Variants in GGA3 observed in about 807,000 individuals in gnomAD.
GGA3 encodes ADP-ribosylation factor-binding protein GGA3.
In GGA3, 57 loss-of-function variants were observed where a neutral mutation model predicts 77.5. The observed-to-expected ratio is 0.74, with a 90% CI of 0.59 to 0.92. The LOEUF is 0.92. Ranked by LOEUF, GGA3 falls within the 40% of genes least tolerant of loss-of-function variation. The pLI is 0.00. For missense variants in GGA3, 970 were observed against 914.9 expected, an observed-to-expected ratio of 1.06 and a Z score of -0.78; for synonymous variants, 416 against 383.7, an observed-to-expected ratio of 1.08 and a Z score of -0.98.
In GGA3 at chr17:75,246,596, GCAGAACACACTC is replaced by G; in HGVS notation, c.126-24_126-13del. On this transcript the variant is annotated splice_polypyrimidine_tract_variant and intron_variant, in intron 2 of 16. Coordinates refer to ENST00000537686, the MANE Select transcript of GGA3 (RefSeq NM_138619.4). ...CGGCGATCTGTGGCCTGGGGGACAA[GCAGAACACACTC>G]CAGTGCACTAAGCCTGGGGCTACCT... 6.2e-7 allele frequency: 1 copy of G among 1,612,352 alleles called. No individual in the cohort carries two copies.
intron 16 of GGA3, 70 bp from the exon 17 acceptor site, chr17:75,238,459 C>T (rs1337455042): frequency 1.5e-6 from 2 of 1,327,756 alleles, no homozygotes; most frequent in Admixed American, 1.8e-5. Context: ...TATTCTGCTA[C>T]CCTCTCTGTG....
chr17:75,262,019 C>G (rs761128686), upstream of GGA3: 2 of 1,598,984 alleles, frequency 1.3e-6, no homozygotes, highest in Admixed American at 3.3e-5. Context: ...GGGGGCGCTG[C>G]GAGGAAGGAA....
In GGA3 at chr17:75,239,813, T is replaced by C; in HGVS notation, c.1559A>G (p.Asp520Gly). Reference protein sequence around the residue: ...NSALHHLDALDQLLEEAKVTS... With the variant: ...NSALHHLDALGQLLEEAKVTS... The stretch of plus-strand genomic sequence containing the variant: ...CACTTTGGCCTCTTCTAGAAGCTGA[T>C]CGAGGGCATCCAGGTGGTGCAGCGC... The change falls in exon 13 of 17, where the codon GAT becomes GGT. Residue 520 changes from aspartate to glycine, a missense_variant. Asp to Gly is a moderately conservative substitution (Grantham distance 94). Transcript: ENST00000537686. The C allele has an allele frequency of 6.2e-7, 1 of 1,613,810 alleles. No homozygotes were observed. Among genetic ancestry groups the C allele is most frequent in the Non-Finnish European group, 8.5e-7 (1 of 1,180,022 alleles).
At chr17:75,239,765 C>A (rs781500840) in intron 13 of GGA3, 24 bp downstream of exon 13, 1 of 1,611,648 alleles carries the variant, frequency 6.2e-7, no homozygotes, top group African/African-American at 1.3e-5. Context: ...CCTCAGCAAC[C>A]CCACATCTCC....
At chr17:75,251,106 T>C (rs1339299609) in intron 1 of GGA3, among the ~76,000 whole-genome samples, 6 of 151,500 alleles carry the variant, frequency 4.0e-5, no homozygotes, top group African/African-American at 1.5e-4. Context: ...ACGTAACAAA[T>C]GACTTACAAA....
At chr17:75,259,533 C>T (rs1240439292) in intron 1 of GGA3, among the ~76,000 whole-genome samples, 1 of 152,094 alleles carries the variant, frequency 6.6e-6, no homozygotes, top group African/African-American at 2.4e-5. Context: ...GTAGAAGCCA[C>T]AGAGAAAAAG....
At position 75,256,884 on chromosome 17, in the gene GGA3, G is replaced by T. The variant is rs866519367; in HGVS notation, c.40+4664C>A. Reference sequence around the variant, plus strand: ...GGTAAGTAGAGGCCTTTCCTACAGGGTCTGAGAAGGCCACCGCAGTCATTT... The same window carrying T: ...GGTAAGTAGAGGCCTTTCCTACAGGTTCTGAGAAGGCCACCGCAGTCATTT... On this transcript the variant is annotated intron_variant, in intron 1 of 16. Coordinates refer to ENST00000537686, the MANE Select transcript of GGA3 (RefSeq NM_138619.4). Among the ~76,000 whole-genome samples the T allele has an allele frequency of 2.6e-5, 4 of 151,992 alleles. No homozygotes were observed. The South Asian group carries it at 8.3e-4, about 32-fold the overall frequency.
intron 13 of GGA3, 68 bp from the exon 14 acceptor site, chr17:75,239,639 C>A (rs912064217): frequency 2.7e-6 from 4 of 1,456,854 alleles, no homozygotes; most frequent in East Asian, 2.4e-5. Context: ...TCACCCAAGG[C>A]CCCTGACCAT....
chr17:75,262,030 G>A (rs753347783), upstream of GGA3: 6 of 1,596,136 alleles, frequency 3.8e-6, no homozygotes, highest in Non-Finnish European at 5.1e-6. Context: ...GAGGAAGGAA[G>A]GGGGCCACAG....
At chr17:75,241,860 CCACCA>C in intron 8 of GGA3, 164 bp from the exon 9 acceptor site, 1 of 665,310 alleles carries the variant, frequency 1.5e-6, no homozygotes, top group Non-Finnish European at 2.7e-6. Context: ...CCAGCCACCA[CCACCA>C]CACCACATCA....
intron 1 of GGA3, among the ~76,000 whole-genome samples, chr17:75,247,451 G>A (rs2076799145): frequency 6.6e-6 from 1 of 151,978 alleles, no homozygotes; most frequent in African/African-American, 2.4e-5. Context: ...TGGTAGAGAC[G>A]GGGTTTCTCC....
chr17:75,244,022 G>T (rs9652817), intron 4 of GGA3, among the ~76,000 whole-genome samples: 1 of 151,988 alleles, frequency 6.6e-6, no homozygotes, highest in African/African-American at 2.4e-5. Context: ...TCAAGACAGA[G>T]AGGCTTCCTT....
At chr17:75,261,784 C>T (rs1031814486), upstream of GGA3, 1 of 1,220,530 alleles carries the variant, frequency 8.2e-7, no homozygotes. Flanking sequence ...CTCTAACGTC[C>T]AGATCAGTGG....
At chr17:75,239,216 C>T in intron 14 of GGA3, 133 bp from the exon 15 acceptor site, 1 of 991,604 alleles carries the variant, frequency 1.0e-6, no homozygotes, top group East Asian at 2.6e-5. Flanking sequence ...GGGAGAGGCG[C>T]TCAGTGAGGA....
Position 75,237,886 on chromosome 17 carries a change from G to C in GGA3, c.*393C>G. The C allele has an allele frequency of 2.2e-6, 3 of 1,381,068 alleles. No homozygotes were observed. Among genetic ancestry groups the C allele is most frequent in the Non-Finnish European group, 2.8e-6 (3 of 1,071,414 alleles). 85.6% of individuals were successfully genotyped at this position (1,381,068 alleles called of 1,614,324 possible). On this transcript the variant is annotated 3_prime_UTR_variant, in exon 17 of 17. Coordinates refer to ENST00000537686, the MANE Select transcript of GGA3 (RefSeq NM_138619.4). The stretch of plus-strand genomic sequence containing the variant: ...GGTGTGAGGATGTGGCTCTTGTGGG[G>C]AATGACCCATGACAGTCTCTCTTTA...
At position 75,243,472 on chromosome 17, in the gene GGA3, G is replaced by A. The variant is rs773973076; in HGVS notation, c.399C>T (p.Asp133=). ...CCTGTCTCTTCAGCATGTGGTAGGC[G>A]TCTTTGATCTTTGCTTCTTCTGGCA... ...MALPEEAKIK[D]AYHMLKRQGI... Residue 133 remains aspartate, a synonymous_variant, in exon 5 of 17, where the codon GAC becomes GAT. Transcript: ENST00000537686. 3.5e-5 allele frequency: 57 copies of A among 1,614,184 alleles called. No homozygotes were observed. The highest frequency in any genetic ancestry group is 1.3e-4 in the East Asian group (6 of 44,890).
chr17:75,258,940 A>C (rs1316830338), intron 1 of GGA3, among the ~76,000 whole-genome samples: 2 of 146,288 alleles, frequency 1.4e-5, no homozygotes, highest in Non-Finnish European at 3.0e-5. Context: ...GCGTTTTAGC[A>C]CTGCCTTGTA....
At chr17:75,238,804 C>T (rs1568109041) in intron 15 of GGA3, 42 bp from the exon 16 acceptor site, 4 of 1,577,062 alleles carry the variant, frequency 2.5e-6, no homozygotes, top group African/African-American at 1.4e-5. Context: ...TGGTAGGTGC[C>T]CCCAGATGGA....
In GGA3 at chr17:75,238,929, C is replaced by CT; in HGVS notation, c.1934dup (p.Ala646GlyfsTer23). 1 of 1,614,028 alleles carries CT rather than the reference C, an allele frequency of 6.2e-7. No homozygotes were observed. Among genetic ancestry groups the CT allele is most frequent in the East Asian group, 2.2e-5 (1 of 44,874 alleles). On this transcript the variant is annotated frameshift_variant, in exon 15 of 17. Coordinates refer to ENST00000537686, the MANE Select transcript of GGA3 (RefSeq NM_138619.4). LOFTEE classifies it high-confidence loss of function. ...ACACTGGTACCTTGGGCACTGCAGC[C>CT]TGCAGCACGATGCTCTTGACAGGTA...
Sources: gnomAD v4.1 joint callset for allele counts (sites outside exome capture counted in the v4.1 genomes callset) on GRCh38, gnomAD v4.1.1 for gene constraint, MANE v1.5 for transcripts, NCBI Gene and HGNC (gene_info 2026-07-23, HGNC 2026-07-21) for gene names.